The following PCDHGB4 variants were observed in gnomAD, a reference collection of about 807,000 sequenced individuals.
PCDHGB4 encodes the protein protocadherin gamma-B4.
PCDHGB4 carries 38 observed loss-of-function variants against 60.5 expected under a neutral mutation model. That is an observed-to-expected ratio of 0.63 (90% confidence interval 0.48 to 0.82). PCDHGB4 has a LOEUF of 0.82. PCDHGB4 is among the 40% of genes least tolerant of loss of function. PCDHGB4 has a pLI of 0.00. For synonymous variants in PCDHGB4, 456 were observed against 509.7 expected (o/e 0.89, Z 1.42); for missense variants, 1,109 against 1,209.6 (o/e 0.92, Z 1.23).
Position 141,400,574 on chromosome 5 carries a change from T to A in PCDHGB4, c.2397+10293T>A, listed in dbSNP as rs1589419530. On this transcript the variant is annotated intron_variant, in intron 1 of 3. Transcript: ENST00000519479. ...TTTTCATTACCCACCCAATTTTCTG[T>A]ATTTACATGAAACTATCGTACATTT... 3 of 1,612,232 alleles carry A rather than the reference T, an allele frequency of 1.9e-6. No individual in the cohort carries two copies. In the Middle Eastern group the frequency reaches 4.9e-4, roughly 266 times the overall value.
chr5:141,451,789 G>A (rs2098724524), intron 1 of PCDHGB4, among the ~76,000 whole-genome samples: 1 of 152,074 alleles, frequency 6.6e-6, no homozygotes, highest in South Asian at 2.1e-4. Flanking sequence ...GCTGAGGCCA[G>A]AGAATTGCTT....
chr5:141,462,372 C>A (rs2099038225), intron 1 of PCDHGB4, among the ~76,000 whole-genome samples: 1 of 152,096 alleles, frequency 6.6e-6, no homozygotes, highest in African/African-American at 2.4e-5. Flanking sequence ...AGTTTCTATT[C>A]TTTTAAATTC....
intron 1 of PCDHGB4, among the ~76,000 whole-genome samples, chr5:141,472,980 C>CAAAAAAAAAAAAAAAAGAAAAAAA (rs2099308501): frequency 2.3e-5 from 2 of 86,104 alleles, no homozygotes; most frequent in African/African-American, 7.8e-5. Flanking sequence ...GAGTGAAACT[C>CAAAAAAAAAAAAAAAAGAAAAAAA]AAAAAAAAAA....
At chr5:141,446,296 G>A (rs2098497546) in intron 1 of PCDHGB4, among the ~76,000 whole-genome samples, 1 of 152,160 alleles carries the variant, frequency 6.6e-6, no homozygotes, top group Non-Finnish European at 1.5e-5. Context: ...GGGGAGCAGG[G>A]ATTAAGAGTG....
At chr5:141,409,885 G>A in intron 1 of PCDHGB4, 1 of 1,613,110 alleles carries the variant, frequency 6.2e-7, no homozygotes. Flanking sequence ...ACGCACCGCG[G>A]GTGCTGTACC....
intron 1 of PCDHGB4, among the ~76,000 whole-genome samples, chr5:141,443,537 T>C (rs986467958): frequency 6.6e-6 from 1 of 152,180 alleles, no homozygotes; most frequent in African/African-American, 2.4e-5. Flanking sequence ...ATTTAAAGCT[T>C]GGGAAATTGT....
At chr5:141,398,657 G>C in intron 1 of PCDHGB4, 1 of 1,614,018 alleles carries the variant, frequency 6.2e-7, no homozygotes, top group African/African-American at 1.3e-5. Flanking sequence ...CTTAACCCAA[G>C]TTTCTCATTA....
chr5:141,400,727 G>A (rs2094067426), intron 1 of PCDHGB4: 2 of 649,836 alleles, frequency 3.1e-6, no homozygotes, highest in African/African-American at 1.8e-5. Flanking sequence ...GATTTACAAA[G>A]TAGTGAGAGT....
At position 141,477,004 on chromosome 5, in the gene PCDHGB4, C is replaced by T. The variant is rs1390668803; in HGVS notation, c.2398-17803C>T. On this transcript the variant is annotated intron_variant, in intron 1 of 3. Coordinates refer to ENST00000519479, the MANE Select transcript of PCDHGB4 (RefSeq NM_003736.4). The surrounding 1 kb of genome is among the most constrained non-coding windows in gnomAD (Gnocchi z 4.9). ...GCGCCGGCGTGCGGCAACTATTCGC[C>T]TTAGACCTTGTAACCGGGATGCTGA... is the stretch of plus-strand genomic sequence containing the variant. 3 of 1,614,236 alleles carry T rather than the reference C, an allele frequency of 1.9e-6. No homozygotes were observed. The highest frequency in any genetic ancestry group is 2.5e-6 in the Non-Finnish European group (3 of 1,180,042).
intron 1 of PCDHGB4, among the ~76,000 whole-genome samples, chr5:141,472,192 C>A (rs2099274015): frequency 1.3e-5 from 2 of 152,134 alleles, no homozygotes; most frequent in South Asian, 2.1e-4. Context: ...GAATTTGAAT[C>A]TTTTTGACAC....
chr5:141,409,188 C>T lies in PCDHGB4; in HGVS notation c.2397+18907C>T, dbSNP rs1487313582. ...GCGAAGGACGGAGGTGGTCTCTCTA[C>T]CCAGTGTAAAGTAATCATAGAAATC... On this transcript the variant is annotated intron_variant, in intron 1 of 3. Transcript: ENST00000519479. 9 of 1,613,880 alleles carry T rather than the reference C, an allele frequency of 5.6e-6. No homozygotes were observed. In the Admixed American group the frequency reaches 8.3e-5, roughly 15 times the overall value.
intron 2 of PCDHGB4, 179 bp downstream of exon 2, chr5:141,495,044 T>C (rs2099758475): frequency 1.1e-6 from 1 of 944,572 alleles, no homozygotes; most frequent in Non-Finnish European, 1.3e-6. Flanking sequence ...AAGAGGCGAC[T>C]GCCCTGACTG....
At chr5:141,408,847 G>A in intron 1 of PCDHGB4, 1 of 1,613,498 alleles carries the variant, frequency 6.2e-7, no homozygotes, top group African/African-American at 1.3e-5. Flanking sequence ...TGACTGCCTT[G>A]GACGGAGGGG....
At chr5:141,405,188 G>T (rs2094622261) in intron 1 of PCDHGB4, 1 of 1,613,954 alleles carries the variant, frequency 6.2e-7, no homozygotes, top group African/African-American at 1.3e-5. Context: ...TGTAGATGGG[G>T]TTCGAGCTTT....
chr5:141,480,827 A>G (rs1455065731), intron 1 of PCDHGB4, among the ~76,000 whole-genome samples: 2 of 152,212 alleles, frequency 1.3e-5, no homozygotes, highest in Admixed American at 6.5e-5. Context: ...TGGGTGGATC[A>G]TAAGATCAGG....
chr5:141,408,125 C>T, intron 1 of PCDHGB4: 1 of 1,478,650 alleles, frequency 6.8e-7, no homozygotes, highest in South Asian at 1.4e-5. Context: ...CTGTCCTGGG[C>T]CGAATGCTCT....
At chr5:141,427,954 T>G in intron 1 of PCDHGB4, 1 of 1,587,162 alleles carries the variant, frequency 6.3e-7, no homozygotes, top group Non-Finnish European at 8.6e-7. Context: ...AATGACAATG[T>G]GCCGCGGGTG....
At chr5:141,398,174 T>C (rs763077513) in intron 1 of PCDHGB4, 16 of 1,476,290 alleles carry the variant, frequency 1.1e-5, no homozygotes, top group African/African-American at 1.4e-5. Flanking sequence ...AGGCTGCCAG[T>C]GCTCTTTCTC....
At position 141,409,941 on chromosome 5, in the gene PCDHGB4, G is replaced by C. The variant is rs757414302; in HGVS notation, c.2397+19660G>C. ...TCCGCGTTCTTCGATATGGTACCTC[G>C]CTCTGCAGAGCCCGGCTACCTAGTG... On this transcript the variant is annotated intron_variant, in intron 1 of 3. Transcript: ENST00000519479. 1.9e-6 allele frequency: 3 copies of C among 1,613,226 alleles called. No homozygotes were observed. In the South Asian group the frequency reaches 3.3e-5, roughly 18 times the overall value.
Sources: allele counts gnomAD v4.1 joint callset (sites outside exome capture counted in the v4.1 genomes callset), GRCh38; gene constraint gnomAD v4.1.1; non-coding constraint Gnocchi (gnomAD v3.1); transcripts MANE v1.5; gene names NCBI Gene and HGNC (gene_info 2026-07-23, HGNC 2026-07-21).